The following CLN6 variants were observed in gnomAD, a reference collection of about 807,000 sequenced individuals.
CLN6 encodes the protein CLN6 transmembrane ER protein.
A neutral mutation model predicts 33.3 loss-of-function variants in CLN6; 22 were observed. That is an observed-to-expected ratio of 0.66 (90% confidence interval 0.47 to 0.94). The LOEUF (loss-of-function observed/expected upper bound fraction) is 0.94. Among genes scored for constraint, CLN6 ranks in the 40% least tolerant of loss-of-function variants. The pLI, the probability that CLN6 is intolerant of heterozygous loss-of-function variation, is 0.00. For synonymous variants in CLN6, 201 were observed against 174.6 expected, an observed-to-expected ratio of 1.15 and a Z score of -1.19; for missense variants, 387 against 417.1, an observed-to-expected ratio of 0.93 and a Z score of 0.63.
chr15:68,252,202 A>G (rs1218418007), intron 1 of CLN6, among the ~76,000 whole-genome samples: 1 of 152,066 alleles, frequency 6.6e-6, no homozygotes, highest in Non-Finnish European at 1.5e-5. Context: ...TTGAACTCCC[A>G]ACCTCAGGTT....
At chr15:68,240,991 A>G (rs1892275593) in intron 1 of CLN6, among the ~76,000 whole-genome samples, 1 of 151,678 alleles carries the variant, frequency 6.6e-6, no homozygotes, top group South Asian at 2.1e-4. Flanking sequence ...CTCCCAAAAA[A>G]AAAAAACAAA....
In CLN6 at chr15:68,211,388, A is replaced by G. The variant is rs1447325185; in HGVS notation, c.487-70T>C. 28 of 1,576,644 alleles carry G rather than the reference A, an allele frequency of 1.8e-5. No homozygotes were observed. The highest frequency in any genetic ancestry group is 1.6e-4 in the South Asian group (14 of 90,298). Reference sequence around the variant, plus strand: ...AGTCCAGGGAGGTGCTGGGGCCCCAAGCATCCCCTCTGACCACCCTTCTCC... The same window carrying G: ...AGTCCAGGGAGGTGCTGGGGCCCCAGGCATCCCCTCTGACCACCCTTCTCC... On this transcript the variant is annotated intron_variant, in intron 4 of 6. Coordinates refer to ENST00000249806, the MANE Select transcript of CLN6 (RefSeq NM_017882.3). This position sits in a 1 kb window ranked among gnomAD's most constrained non-coding sequence, Gnocchi z 5.9.
intron 1 of CLN6, among the ~76,000 whole-genome samples, chr15:68,222,801 G>C (rs1279663371): frequency 6.6e-6 from 1 of 152,182 alleles, no homozygotes; most frequent in Admixed American, 6.5e-5. Context: ...TTCTGCCTTG[G>C]GATGCTGTTA....
upstream of CLN6, among the ~76,000 whole-genome samples, chr15:68,234,036 A>C (rs941945262): frequency 6.6e-5 from 10 of 152,170 alleles, no homozygotes; most frequent in Non-Finnish European, 1.0e-4. The surrounding 1 kb of genome is among the most constrained non-coding windows in gnomAD (Gnocchi z 4.1). Flanking sequence ...CAGGTTGATG[A>C]CAAAAGGGGA....
chr15:68,229,523 C>T lies in CLN6; in HGVS notation c.62G>A (p.Gly21Asp), dbSNP rs886042709. ...GATGGPGAQLGASFLQARHGS... is the reference protein window; with the variant it reads ...GATGGPGAQLDASFLQARHGS... ...CCACCTGGCCTGCAGGAAGGAGGCG[C>T]CCAGCTGCGCGCCTGGGCCGCCCGT... is the stretch of plus-strand genomic sequence containing the variant. The change falls in exon 1 of 7, where the codon GGC becomes GAC. Residue 21 changes from glycine (G) to aspartate (D), a missense_variant. Transcript: ENST00000249806. 9 of 1,467,250 alleles carry T rather than the reference C, an allele frequency of 6.1e-6. No homozygotes were observed. The highest frequency in any genetic ancestry group is 2.4e-5 in the Admixed American group (1 of 42,300). The allele number at this position is 1,467,250 out of a possible 1,614,324, so 90.9% of individuals were successfully genotyped here. A position where few individuals can be genotyped will look rare whatever the true frequency, so the allele number is the denominator to read the frequency against.
In CLN6 at chr15:68,256,843, C is replaced by G. The variant is rs1185098910; in HGVS notation, c.26G>C (p.Arg9Pro). Residue 9 changes from arginine (R) to proline (P), a missense_variant, in exon 1 of 7, where the codon CGG becomes CCG. Coordinates refer to the CLN6 transcript ENST00000538696. The surrounding 1 kb of genome is among the most constrained non-coding windows in gnomAD (Gnocchi z 4.1). ...TGGCCGGGGCCTGCCTCTCGCTCGC[C>G]GCTCCTTCCCGGCAACGGCTGCCAT... 1.4e-6 allele frequency: 1 copy of G among 697,334 alleles called. No individual in the cohort carries two copies. 43.2% of individuals were successfully genotyped at this position (697,334 alleles called of 1,614,324 possible).
At chr15:68,218,349 C>T (rs1567097783) in intron 2 of CLN6, 187 bp downstream of exon 2, 1 of 551,582 alleles carries the variant, frequency 1.8e-6, no homozygotes, top group South Asian at 1.8e-5. Flanking sequence ...TCTTCAGGCC[C>T]CCCACTTGCT....
rs1057017873 is a variant in CLN6 at position 68,256,564 on chromosome 15, T to G, written c.179+126A>C. On this transcript the variant is annotated intron_variant, in intron 1 of 6. Transcript: ENST00000538696. This position sits in a 1 kb window ranked among gnomAD's most constrained non-coding sequence, Gnocchi z 4.1. ...ATCACAGTATTTGTTATTACAATAC[T>G]CTCTTTGGGATCCCCACACACGTGG... is the stretch of plus-strand genomic sequence containing the variant. The G allele has an allele frequency of 3.8e-6, 2 of 532,496 alleles. No individual in the cohort carries two copies. The highest frequency in any genetic ancestry group is 3.4e-6 in the Non-Finnish European group (1 of 297,558). 33.0% of individuals were successfully genotyped at this position (532,496 alleles called of 1,614,324 possible).
At position 68,236,381 on chromosome 15, in the gene CLN6, T is replaced by A. The variant is rs1892220079; in HGVS notation, c.180-17731A>T. 6.6e-6 allele frequency among the ~76,000 whole-genome samples: 1 copy of A among 152,208 alleles called. No individual in the cohort carries two copies. The highest frequency in any genetic ancestry group is 6.5e-5 in the Admixed American group (1 of 15,284). On this transcript the variant is annotated intron_variant, in intron 1 of 6. Coordinates refer to the CLN6 transcript ENST00000538696. This position sits in a 1 kb window ranked among gnomAD's most constrained non-coding sequence, Gnocchi z 4.5. ...CAAAATCCATCAACTTGTAAATAAA[T>A]AAATTATGGTATACAAATTCAGTGG... is the stretch of plus-strand genomic sequence containing the variant.
chr15:68,233,308 T>TG (rs372532867), upstream of CLN6, among the ~76,000 whole-genome samples: 216 of 32,722 alleles, frequency 6.6e-3, no homozygotes, highest in South Asian at 0.11. The surrounding 1 kb of genome is among the most constrained non-coding windows in gnomAD (Gnocchi z 4.3). Context: ...TACGGGGGGG[T>TG]GGGGGGGGTG....
Position 68,208,108 on chromosome 15 carries a change from C to CCCG in CLN6, c.*31_*32insCGG. ...TGCCCTCCATGGCCCACCCTCCCAC[C>CCCG]CAGCAGAGCGCCAGAGCCTGGTGCC... On this transcript the variant is annotated 3_prime_UTR_variant, in exon 7 of 7. Coordinates refer to ENST00000249806, the MANE Select transcript of CLN6 (RefSeq NM_017882.3). This position sits in a 1 kb window ranked among gnomAD's most constrained non-coding sequence, Gnocchi z 5.8. 3 of 1,588,916 alleles carry CCCG rather than the reference C, an allele frequency of 1.9e-6. No individual in the cohort carries two copies. Among genetic ancestry groups the CCCG allele is most frequent in the Admixed American group, 1.7e-5 (1 of 57,284 alleles).
intron 1 of CLN6, among the ~76,000 whole-genome samples, chr15:68,245,108 G>A (rs1447449281): frequency 6.6e-6 from 1 of 150,666 alleles, no homozygotes; most frequent in African/African-American, 2.4e-5. Context: ...TCAAAATGTG[G>A]GGAGATGGAG....
Position 68,210,538 on chromosome 15 carries a change from A to G in CLN6, c.542+725T>C, listed in dbSNP as rs185796621. On this transcript the variant is annotated intron_variant, in intron 5 of 6. Coordinates refer to ENST00000249806, the MANE Select transcript of CLN6 (RefSeq NM_017882.3). The surrounding 1 kb of genome is among the most constrained non-coding windows in gnomAD (Gnocchi z 5.6). ...GTGCGTGTGCTGTGAGCACCAACTC[A>G]GGAGTGAGCCGGGTCCAGGGCTGGC... is the stretch of plus-strand genomic sequence containing the variant. Among the ~76,000 whole-genome samples the G allele has an allele frequency of 4.0e-4, 61 of 152,282 alleles. 1 individual carries two copies. Among genetic ancestry groups the G allele is most frequent in the Admixed American group, 3.9e-3 (60 of 15,308 alleles).
rs560984963 is a variant in CLN6, at chr15:68,207,881, C to T, written c.*259G>A. The T allele has an allele frequency of 5.4e-5, 29 of 541,450 alleles. No individual in the cohort carries two copies. In the African/African-American group the frequency reaches 5.5e-4, roughly 10 times the overall value. The allele number at this position is 541,450 out of a possible 1,614,324, so 33.5% of individuals were successfully genotyped here. On this transcript the variant is annotated 3_prime_UTR_variant, in exon 7 of 7. Transcript: ENST00000249806. Reference sequence around the variant, plus strand: ...GCCCGGATCCTGGCCCAGAAACACTCTAAAACAGAATCCGATCCTGAGATG... The same window carrying T: ...GCCCGGATCCTGGCCCAGAAACACTTTAAAACAGAATCCGATCCTGAGATG...
At position 68,211,216 on chromosome 15, in the gene CLN6, G is replaced by T; in HGVS notation, c.542+47C>A. On this transcript the variant is annotated intron_variant, in intron 5 of 6. Transcript: ENST00000249806. The surrounding 1 kb of genome is among the most constrained non-coding windows in gnomAD (Gnocchi z 5.9). ...TGTCCCTGAGCCAGTGACAGGGCTA[G>T]CCGGTAGTTGGGGCCCCTGGGATAG... The T allele has an allele frequency of 6.5e-7, 1 of 1,534,846 alleles. No individual in the cohort carries two copies.
At position 68,241,794 on chromosome 15, in the gene CLN6, C is replaced by G. The variant is rs57782898; in HGVS notation, c.179+14896G>C. Among the ~76,000 whole-genome samples, 11,118 of 152,142 alleles carry G rather than the reference C, an allele frequency of 0.073. 1,124 individuals carry two copies. The highest frequency in any genetic ancestry group is 0.23 in the African/African-American group (9,498 of 41,460). ...TACTGCCAGGATATCTGCTCTGGGACCTCCCCCATTTGGAACTTCAGTGTT... is the reference window on the plus strand; with the variant it reads ...TACTGCCAGGATATCTGCTCTGGGAGCTCCCCCATTTGGAACTTCAGTGTT... On this transcript the variant is annotated intron_variant, in intron 1 of 6. Transcript: ENST00000538696. This position sits in a 1 kb window ranked among gnomAD's most constrained non-coding sequence, Gnocchi z 4.2.
At chr15:68,229,035 C>T (rs2093259995) in intron 1 of CLN6, among the ~76,000 whole-genome samples, 1 of 152,176 alleles carries the variant, frequency 6.6e-6, no homozygotes, top group South Asian at 2.1e-4. Context: ...CAGACAGCCT[C>T]CTGATAAATG....
upstream of CLN6, among the ~76,000 whole-genome samples, chr15:68,232,894 G>A (rs139385225): frequency 1.3e-5 from 2 of 152,000 alleles, no homozygotes; most frequent in Admixed American, 6.6e-5. This position sits in a 1 kb window ranked among gnomAD's most constrained non-coding sequence, Gnocchi z 4.7. Flanking sequence ...ATACAAAAAC[G>A]AACTGGGTGT....
At chr15:68,214,099 T>C (rs1595819446) in intron 3 of CLN6, 191 bp downstream of exon 3, 1 of 568,382 alleles carries the variant, frequency 1.8e-6, no homozygotes, top group Non-Finnish European at 3.2e-6. Context: ...ATATTTTCCA[T>C]CCCTCCAGGC....
Sources: gnomAD v4.1 joint callset for allele counts (sites outside exome capture counted in the v4.1 genomes callset) on GRCh38, gnomAD v4.1.1 for gene constraint, Gnocchi (gnomAD v3.1) non-coding constraint, MANE v1.5 for transcripts, NCBI Gene and HGNC (gene_info 2026-07-23, HGNC 2026-07-21) for gene names.